Variants in XKR9 observed in about 807,000 individuals in gnomAD.
XKR9 encodes XK-related protein 9.
In XKR9, 32 loss-of-function variants were observed where a neutral mutation model predicts 32.0. The observed-to-expected ratio is 1.00, with a 90% CI of 0.76 to 1.34. The LOEUF (loss-of-function observed/expected upper bound fraction) is 1.34. XKR9 is among the 40% of genes most tolerant of loss of function. The pLI is 0.00. For missense variants in XKR9, 546 were observed against 429.7 expected, an observed-to-expected ratio of 1.27 and a Z score of -2.39; for synonymous variants, 168 against 143.4, an observed-to-expected ratio of 1.17 and a Z score of -1.22.
the XKR9 span, among the ~76,000 whole-genome samples, chr8:70,904,299 C>T: frequency 6.6e-6 from 1 of 152,082 alleles, no homozygotes; most frequent in Admixed American, 6.5e-5. Flanking sequence ...TCTGGTTGCT[C>T]CTGTATTGGG....
At chr8:71,050,302 T>G in the XKR9 span, among the ~76,000 whole-genome samples, 8 of 137,794 alleles carry the variant, frequency 5.8e-5, no homozygotes, top group African/African-American at 2.3e-4. Context: ...GATATATATA[T>G]AGATATAGAT....
chr8:70,849,081 C>T, the XKR9 span, among the ~76,000 whole-genome samples: 2 of 152,168 alleles, frequency 1.3e-5, no homozygotes, highest in African/African-American at 2.4e-5. Context: ...GAACTCAGCT[C>T]TGCACCAAGT....
chr8:70,744,282 G>A (rs1218979094), intron 2 of XKR9, among the ~76,000 whole-genome samples: 1 of 151,026 alleles, frequency 6.6e-6, no homozygotes, highest in Non-Finnish European at 1.5e-5. Context: ...TTGCACTGCA[G>A]CCTGGGTGAC....
the XKR9 span, among the ~76,000 whole-genome samples, chr8:71,065,801 C>A: frequency 6.6e-5 from 10 of 152,144 alleles, no homozygotes; most frequent in Non-Finnish European, 1.0e-4. Context: ...GAGATTTCAG[C>A]AAAATGTTTT....
At chr8:70,786,051 A>G (rs1001155066) in intron 2 of XKR9, among the ~76,000 whole-genome samples, 3 of 151,974 alleles carry the variant, frequency 2.0e-5, no homozygotes, top group African/African-American at 7.2e-5. Flanking sequence ...GTTCAGGACC[A>G]TGTTGTTTAA....
intron 3 of XKR9, among the ~76,000 whole-genome samples, chr8:70,689,677 A>C (rs894171931): frequency 2.6e-5 from 4 of 152,078 alleles, no homozygotes; most frequent in Non-Finnish European, 2.9e-5. Context: ...GCAATGGCAT[A>C]GTACATAACT....
the XKR9 span, among the ~76,000 whole-genome samples, chr8:71,020,516 T>G: frequency 1.3e-5 from 2 of 152,212 alleles, no homozygotes; most frequent in African/African-American, 2.4e-5. Context: ...ATCATCATAG[T>G]TTATTGTATA....
the XKR9 span, among the ~76,000 whole-genome samples, chr8:70,837,742 C>G: frequency 6.6e-6 from 1 of 152,030 alleles, no homozygotes; most frequent in Non-Finnish European, 1.5e-5. Flanking sequence ...TTCACTGGTG[C>G]TGGTAAATTG....
chr8:70,785,720 TCTC>T (rs1807675764), intron 2 of XKR9, among the ~76,000 whole-genome samples: 1 of 78,620 alleles, frequency 1.3e-5, no homozygotes, highest in Non-Finnish European at 3.1e-5. Flanking sequence ...TTTTTTTTGC[TCTC>T]TCTCTCTCTC....
chr8:70,673,143 A>G (rs1818772284), intron 1 of XKR9, among the ~76,000 whole-genome samples: 1 of 152,224 alleles, frequency 6.6e-6, no homozygotes, highest in Non-Finnish European at 1.5e-5. Context: ...GCCTAAACCA[A>G]TGTCCTTATG....
At chr8:71,014,328 A>G in the XKR9 span, among the ~76,000 whole-genome samples, 10 of 152,196 alleles carry the variant, frequency 6.6e-5, no homozygotes, top group Non-Finnish European at 1.2e-4. Context: ...GCTTACAACA[A>G]CAGAGTGTTC....
the XKR9 span, among the ~76,000 whole-genome samples, chr8:70,904,460 A>G: frequency 2.0e-5 from 3 of 151,116 alleles, no homozygotes; most frequent in Non-Finnish European, 4.4e-5. Context: ...TTTGCTTTCC[A>G]TTTGCTTGGA....
At chr8:70,775,141 A>G (rs1253158183) in intron 2 of XKR9, among the ~76,000 whole-genome samples, 2 of 152,242 alleles carry the variant, frequency 1.3e-5, no homozygotes, top group East Asian at 3.9e-4. Flanking sequence ...GCTGGGATAT[A>G]TCAACATAAC....
chr8:70,793,551 G>C (rs535356290), downstream of XKR9, among the ~76,000 whole-genome samples: 1 of 152,104 alleles, frequency 6.6e-6, no homozygotes, highest in South Asian at 2.1e-4. Flanking sequence ...GGACTTCTCA[G>C]CTTCCAAAGA....
intron 3 of XKR9, among the ~76,000 whole-genome samples, chr8:70,695,079 C>G (rs1805212914): frequency 6.6e-6 from 1 of 151,656 alleles, no homozygotes; most frequent in South Asian, 2.1e-4. Context: ...TGGGGAGAAT[C>G]CCCTGGCTCT....
In XKR9 at chr8:70,727,317, A is replaced by T. The variant is rs560214430; in HGVS notation, c.494-6479A>T. Among the ~76,000 whole-genome samples, 1,013 of 143,602 alleles carry T rather than the reference A, an allele frequency of 7.1e-3. 6 individuals carry two copies. The highest frequency in any genetic ancestry group is 0.011 in the Non-Finnish European group (712 of 64,372). The allele number at this position is 143,602 out of a possible 152,430, so 94.2% of individuals were successfully genotyped here. A position where few individuals can be genotyped will look rare whatever the true frequency, so the allele number is the denominator to read the frequency against. ...TTTTAACTAAAATATTTTTGAATTA[A>T]AGAAGACAAGTTTTTTTTTTTTTTT... On this transcript the variant is annotated intron_variant, in intron 4 of 4. Coordinates refer to ENST00000408926, the MANE Select transcript of XKR9 (RefSeq NM_001011720.2).
chr8:70,887,785 C>A, the XKR9 span, among the ~76,000 whole-genome samples: 2 of 152,020 alleles, frequency 1.3e-5, no homozygotes, highest in Non-Finnish European at 2.9e-5. Context: ...TATCCTGAGA[C>A]TTTTCTGAAG....
At chr8:70,944,153 T>A in the XKR9 span, among the ~76,000 whole-genome samples, 3 of 149,836 alleles carry the variant, frequency 2.0e-5, no homozygotes, top group African/African-American at 7.3e-5. Context: ...AAAAAAAAAA[T>A]AATTGTTTTT....
At chr8:70,828,111 G>A in the XKR9 span, among the ~76,000 whole-genome samples, 1 of 152,172 alleles carries the variant, frequency 6.6e-6, no homozygotes, top group Admixed American at 6.5e-5. Context: ...CTGACTGAAC[G>A]AAGTTAGGGT....
Sources: allele counts gnomAD v4.1 joint callset (sites outside exome capture counted in the v4.1 genomes callset), GRCh38; gene constraint gnomAD v4.1.1; transcripts MANE v1.5; gene names NCBI Gene and HGNC (gene_info 2026-07-23, HGNC 2026-07-21).